Variants in TRAPPC12 observed in about 807,000 individuals in gnomAD.
TRAPPC12 encodes the protein trafficking protein particle complex subunit 12, also known as TPR repeat protein 15.
In TRAPPC12, 61 loss-of-function variants were observed where a neutral mutation model predicts 69.2. The ratio of observed to expected loss-of-function variants is 0.88; its 90% CI spans 0.72 to 1.09. The LOEUF (loss-of-function observed/expected upper bound fraction) is 1.09. Ranked by LOEUF, TRAPPC12 falls within the 50% of genes least tolerant of loss-of-function variation. TRAPPC12 has a pLI of 0.00. For synonymous variants in TRAPPC12, 469 were observed against 438.9 expected (o/e 1.07, Z -0.86); for missense variants, 1,101 against 1,016.4 (o/e 1.08, Z -1.13).
chr2:3,464,451 A>G (rs1381066125), intron 8 of TRAPPC12, among the ~76,000 whole-genome samples: 1 of 152,198 alleles, frequency 6.6e-6, no homozygotes, highest in Non-Finnish European at 1.5e-5. Flanking sequence ...GCAAGCCAGT[A>G]ACTCCAGTCC....
intron 2 of TRAPPC12, among the ~76,000 whole-genome samples, chr2:3,394,177 C>A (rs1660985539): frequency 6.6e-6 from 1 of 152,150 alleles, no homozygotes; most frequent in African/African-American, 2.4e-5. Context: ...TGCAGTATTC[C>A]TTTTATGATA....
At chr2:3,428,123 C>A (rs1363616507) in intron 5 of TRAPPC12, among the ~76,000 whole-genome samples, 1 of 152,174 alleles carries the variant, frequency 6.6e-6, no homozygotes, top group Non-Finnish European at 1.5e-5. Flanking sequence ...TCTTTCCTCA[C>A]TTTGAGGACA....
chr2:3,407,560 G>A (rs749416656), intron 3 of TRAPPC12, among the ~76,000 whole-genome samples: 1 of 152,130 alleles, frequency 6.6e-6, no homozygotes, highest in Non-Finnish European at 1.5e-5. Context: ...ATAGAGGAGG[G>A]GGGAGGCCGA....
At chr2:3,459,976 C>T (rs1665397336) in intron 7 of TRAPPC12, 3 of 518,374 alleles carry the variant, frequency 5.8e-6, no homozygotes, top group African/African-American at 2.0e-5. Flanking sequence ...AAACGGGGCC[C>T]CCGGTCGGAC....
At chr2:3,408,797 T>C (rs1219559907) in intron 3 of TRAPPC12, among the ~76,000 whole-genome samples, 1 of 152,200 alleles carries the variant, frequency 6.6e-6, no homozygotes, top group African/African-American at 2.4e-5. Flanking sequence ...AGCCAAAAAT[T>C]CTATTAAAAA....
Position 3,388,582 on chromosome 2 carries a change from T to A in TRAPPC12, c.959T>A (p.Leu320Gln), listed in dbSNP as rs570126941. 6.2e-7 allele frequency: 1 copy of A among 1,611,322 alleles called. No individual in the cohort carries two copies. Among genetic ancestry groups the A allele is most frequent in the South Asian group, 1.1e-5 (1 of 90,686 alleles). The change falls in exon 2 of 12, where the codon CTG becomes CAG. Residue 320 changes from leucine to glutamine, a missense_variant. Physicochemically the swap from Leu to Gln is moderately radical, Grantham distance 113. Coordinates refer to ENST00000324266, the MANE Select transcript of TRAPPC12 (RefSeq NM_016030.6). ...CCCGGCGAGGCTACGCGTGGAGTCC[T>A]GCGGGCCGTGGCCACCCAGCAGCGC... ...WLPGEATRGV[L>Q]RAVATQQRGA...
At chr2:3,389,360 G>A (rs1248236585) in intron 2 of TRAPPC12, among the ~76,000 whole-genome samples, 5 of 152,226 alleles carry the variant, frequency 3.3e-5, no homozygotes, top group African/African-American at 1.2e-4. Context: ...TGGGTTGTGC[G>A]AGCAACTGAG....
chr2:3,459,490 G>A (rs565815585), intron 7 of TRAPPC12, among the ~76,000 whole-genome samples: 5 of 152,306 alleles, frequency 3.3e-5, no homozygotes, highest in African/African-American at 1.2e-4. Context: ...GCTCCCAGGG[G>A]ACCTTTGCAG....
intron 2 of TRAPPC12, among the ~76,000 whole-genome samples, chr2:3,397,569 T>G (rs1224882987): frequency 6.6e-6 from 1 of 152,222 alleles, no homozygotes; most frequent in African/African-American, 2.4e-5. Flanking sequence ...ACACAAACCC[T>G]TTCTCTGCTT....
In TRAPPC12 at chr2:3,479,210, C is replaced by T. The variant is rs781691242; in HGVS notation, c.1966-9C>T. 1.9e-6 allele frequency: 3 copies of T among 1,610,770 alleles called. No individual in the cohort carries two copies. Among genetic ancestry groups the T allele is most frequent in the Admixed American group, 3.3e-5 (2 of 59,892 alleles). On this transcript the variant is annotated splice_polypyrimidine_tract_variant and intron_variant, in intron 11 of 11. Coordinates refer to ENST00000324266, the MANE Select transcript of TRAPPC12 (RefSeq NM_016030.6). The stretch of plus-strand genomic sequence containing the variant: ...TGTGGGCCAACCCTGGGCGTGTGCT[C>T]CTCCCTAGGCCAACAACAACGCTGC...
At chr2:3,408,648 T>A (rs1027784681) in intron 3 of TRAPPC12, among the ~76,000 whole-genome samples, 11 of 152,012 alleles carry the variant, frequency 7.2e-5, no homozygotes, top group African/African-American at 2.4e-4. Flanking sequence ...TAAAAAAAAA[T>A]AATAATAACA....
intron 2 of TRAPPC12, among the ~76,000 whole-genome samples, chr2:3,392,184 CA>C (rs997437956): frequency 3.9e-5 from 6 of 152,230 alleles, no homozygotes; most frequent in Admixed American, 1.3e-4. Flanking sequence ...ACCTGTTCCT[CA>C]AAAAAGCTTA....
intron 8 of TRAPPC12, among the ~76,000 whole-genome samples, chr2:3,465,002 T>C (rs1470110316): frequency 6.6e-6 from 1 of 152,226 alleles, no homozygotes; most frequent in Non-Finnish European, 1.5e-5. Flanking sequence ...TGTTCCCCCG[T>C]AGCTGTCTCT....
intron 7 of TRAPPC12, 168 bp downstream of exon 7, chr2:3,457,861 A>T: frequency 6.9e-7 from 1 of 1,445,038 alleles, no homozygotes; most frequent in South Asian, 1.5e-5. Context: ...CAAGCACATC[A>T]CTGGGTGATG....
chr2:3,449,482 G>A (rs755058991), intron 6 of TRAPPC12: 3 of 152,298 alleles, frequency 2.0e-5, no homozygotes, highest in Non-Finnish European at 4.4e-5. Context: ...CAGAGGGTAA[G>A]GTACATTTTC....
chr2:3,430,471 CCTCTTTGGTGACTCA>C (rs1257640228), intron 5 of TRAPPC12, among the ~76,000 whole-genome samples: 2 of 152,194 alleles, frequency 1.3e-5, no homozygotes, highest in African/African-American at 4.8e-5. Context: ...GTCGGAGTCT[CCTCTTTGGTGACTCA>C]CTCTTTCATA....
At chr2:3,398,393 G>GT (rs1661242667) in intron 2 of TRAPPC12, among the ~76,000 whole-genome samples, 1 of 152,140 alleles carries the variant, frequency 6.6e-6, no homozygotes, top group South Asian at 2.1e-4. Flanking sequence ...AATTGTTGTG[G>GT]TTTTTTTGTT....
At chr2:3,381,813 C>T (rs954213619) in intron 1 of TRAPPC12, among the ~76,000 whole-genome samples, 14 of 152,232 alleles carry the variant, frequency 9.2e-5, no homozygotes, top group Admixed American at 2.0e-4. Context: ...TCCACCCCTC[C>T]CTCACTAAAG....
intron 9 of TRAPPC12, among the ~76,000 whole-genome samples, chr2:3,475,415 T>C (rs1253006269): frequency 7.3e-6 from 1 of 137,106 alleles, no homozygotes; most frequent in Non-Finnish European, 1.6e-5. Flanking sequence ...GCCCAGCCAC[T>C]GTATTTCCTT....
Sources: allele counts gnomAD v4.1 joint callset (sites outside exome capture counted in the v4.1 genomes callset), GRCh38; gene constraint gnomAD v4.1.1; transcripts MANE v1.5; gene names NCBI Gene and HGNC (gene_info 2026-07-23, HGNC 2026-07-21).